The following MAP3K11 variants were observed in gnomAD, a reference collection of about 807,000 sequenced individuals.
The protein encoded by MAP3K11 is SH3 domain-containing proline-rich kinase.
A neutral mutation model predicts 84.9 loss-of-function variants in MAP3K11; 46 were observed. That is an observed-to-expected ratio of 0.54 (90% CI 0.43 to 0.69). The LOEUF is 0.69. MAP3K11 is among the 30% of genes least tolerant of loss of function. The probability of loss-of-function intolerance (pLI) is 0.00; values close to 1 mark genes in which losing one functional copy is unlikely to be tolerated. For synonymous variants in MAP3K11, 527 were observed against 514.7 expected (o/e 1.02, Z -0.32); for missense variants, 1,053 against 1,198.3 (o/e 0.88, Z 1.79).
chr11:65,608,142 A>C (rs1418217363), intron 2 of MAP3K11, 72 bp from the exon 3 acceptor site: 1 of 1,598,570 alleles, frequency 6.3e-7, no homozygotes, highest in African/African-American at 1.3e-5. Context: ...CACTTCACCC[A>C]AAAGCAACTA....
intron 1 of MAP3K11, chr11:65,610,549 T>C (rs1854560866): frequency 6.6e-6 from 1 of 152,204 alleles, no homozygotes; most frequent in Non-Finnish European, 1.5e-5. Flanking sequence ...ACCTGAGCAT[T>C]TAGCAAGCCC....
chr11:65,603,355 C>T lies in MAP3K11; in HGVS notation c.1831+2406G>A, dbSNP rs994782910. On this transcript the variant is annotated intron_variant, in intron 8 of 9. Transcript: ENST00000309100. ...TGACCCAAAGATAGATAGATAGAGG[C>T]GAAACTGCTTCCGTGAGGTCTCACA... Among the ~76,000 whole-genome samples, 5 of 152,348 alleles carry T rather than the reference C, an allele frequency of 3.3e-5. No individual in the cohort carries two copies. The East Asian group carries it at 5.8e-4, about 18-fold the overall frequency.
intron 8 of MAP3K11, among the ~76,000 whole-genome samples, chr11:65,603,411 T>C (rs1328230379): frequency 6.6e-6 from 1 of 152,262 alleles, no homozygotes; most frequent in Non-Finnish European, 1.5e-5. Flanking sequence ...TTATTGGCTC[T>C]AAGGCAACAA....
In MAP3K11 at chr11:65,613,435, G is replaced by C; in HGVS notation, c.322C>G (p.Pro108Ala). 1.2e-6 allele frequency: 2 copies of C among 1,612,360 alleles called. No individual in the cohort carries two copies. Among genetic ancestry groups the C allele is most frequent in the Non-Finnish European group, 1.7e-6 (2 of 1,179,522 alleles). Residue 108 changes from proline to alanine, a missense_variant, in exon 1 of 10, where the codon CCC becomes GCC. By Grantham distance (27) the Pro-to-Ala change is conservative. This residue lies in a region of MAP3K11 where 160 missense variants were observed against 167.3 expected (regional missense o/e 0.96). Coordinates refer to ENST00000309100, the MANE Select transcript of MAP3K11 (RefSeq NM_002419.4). ...NYVSRGGGPP[P>A]CEVASFQELR... The stretch of plus-strand genomic sequence containing the variant: ...TCCTGGAAGCTGGCCACCTCGCAGG[G>C]GGGCGGGCCGCCACCCCGAGACACA...
chr11:65,609,250 G>A (rs1482802817), intron 1 of MAP3K11: 1 of 152,206 alleles, frequency 6.6e-6, no homozygotes, highest in Non-Finnish European at 1.5e-5. Flanking sequence ...CTCTTGGTGA[G>A]AAAAGAAGCC....
Position 65,613,199 on chromosome 11 carries a change from C to T in MAP3K11, c.558G>A (p.Glu186=). 6.3e-7 allele frequency: 1 copy of T among 1,587,764 alleles called. No individual in the cohort carries two copies. The highest frequency in any genetic ancestry group is 8.6e-7 in the Non-Finnish European group (1 of 1,164,920). ...IIALKAVCLE[E]PNLCLVMEYA... is the part of the protein sequence containing the mutation. Reference sequence around the variant, plus strand: ...ACTCCATCACCAGGCACAGGTTGGGCTCCTCCAGGCACACAGCCTTGAGGG... The same window carrying T: ...ACTCCATCACCAGGCACAGGTTGGGTTCCTCCAGGCACACAGCCTTGAGGG... The change falls in exon 1 of 10, where the codon GAG becomes GAA. Residue 186 remains glutamate, a synonymous_variant. Coordinates refer to ENST00000309100, the MANE Select transcript of MAP3K11 (RefSeq NM_002419.4).
At chr11:65,612,715 G>C in intron 1 of MAP3K11, 1 of 303,680 alleles carries the variant, frequency 3.3e-6, no homozygotes, top group East Asian at 5.3e-5. Context: ...ACTTCCTTGA[G>C]GTGGGAGCCA....
intron 1 of MAP3K11, chr11:65,612,352 G>A (rs1306146464): frequency 6.6e-6 from 1 of 152,280 alleles, no homozygotes; most frequent in Non-Finnish European, 1.5e-5. Flanking sequence ...TTTCAGGCTA[G>A]GCCCTCTTGG....
intron 8 of MAP3K11, among the ~76,000 whole-genome samples, chr11:65,601,821 C>T (rs1166224395): frequency 7.0e-5 from 1 of 14,334 alleles, no homozygotes; most frequent in Non-Finnish European, 3.0e-4. Context: ...GCACCAACCA[C>T]GAGGTTATCA....
At chr11:65,610,802 A>C (rs1195738318) in intron 1 of MAP3K11, 1 of 152,284 alleles carries the variant, frequency 6.6e-6, no homozygotes, top group Non-Finnish European at 1.5e-5. Flanking sequence ...AGAGAGGGGC[A>C]ACAACTCACC....
At chr11:65,606,549 G>A (rs966658431) in intron 6 of MAP3K11, 142 bp downstream of exon 6, 9 of 588,934 alleles carry the variant, frequency 1.5e-5, no homozygotes, top group Non-Finnish European at 2.7e-5. Flanking sequence ...GAGTTCAGAG[G>A]TAACAGGCTA....
chr11:65,607,627 T>C lies in MAP3K11; in HGVS notation c.1245+14A>G, dbSNP rs1417541526. 1 of 1,596,618 alleles carries C rather than the reference T, an allele frequency of 6.3e-7. No homozygotes were observed. The highest frequency in any genetic ancestry group is 8.6e-7 in the Non-Finnish European group (1 of 1,168,782). On this transcript the variant is annotated intron_variant, in intron 4 of 9. Coordinates refer to ENST00000309100, the MANE Select transcript of MAP3K11 (RefSeq NM_002419.4). ...GACACTCGTTCCAACGCTGGGTCCC[T>C]TGATTCCTCGCACCTTTTCCTTGGC...
chr11:65,613,987 C>T lies in MAP3K11; in HGVS notation c.-231G>A, dbSNP rs1590860646. 1.9e-6 allele frequency: 1 copy of T among 537,618 alleles called. No individual in the cohort carries two copies. The highest frequency in any genetic ancestry group is 3.2e-6 in the Non-Finnish European group (1 of 309,618). The allele number at this position is 537,618 out of a possible 1,614,324, so 33.3% of individuals were successfully genotyped here. A position where few individuals can be genotyped will look rare whatever the true frequency, so the allele number is the denominator to read the frequency against. On this transcript the variant is annotated 5_prime_UTR_variant, in exon 1 of 10. Coordinates refer to ENST00000309100, the MANE Select transcript of MAP3K11 (RefSeq NM_002419.4). ...GTGTGGTCAGGCCGGGGGGGTGGGG[C>T]CCCGGGGCCTCCGGCGCCTCACCAT...
chr11:65,600,210 C>T (rs532546070), intron 8 of MAP3K11, among the ~76,000 whole-genome samples: 58 of 152,334 alleles, frequency 3.8e-4, no homozygotes, highest in African/African-American at 1.3e-3. Flanking sequence ...CACCCACCCC[C>T]GCTCCAGCTG....
intron 8 of MAP3K11, among the ~76,000 whole-genome samples, chr11:65,601,521 C>T (rs1854454946): frequency 6.6e-6 from 1 of 152,114 alleles, no homozygotes; most frequent in Non-Finnish European, 1.5e-5. Flanking sequence ...CTTTGGGAGG[C>T]CCAGGTGGGA....
intron 9 of MAP3K11, 33 bp downstream of exon 9, chr11:65,599,361 A>G: frequency 1.3e-6 from 2 of 1,527,746 alleles, no homozygotes; most frequent in South Asian, 1.3e-5. Context: ...CCCGTCTCCC[A>G]TATGTGAAGC....
At position 65,599,561 on chromosome 11, in the gene MAP3K11, G is replaced by C. The variant is rs199769348; in HGVS notation, c.2039C>G (p.Thr680Arg). Residue 680 changes from threonine to arginine, a missense_variant, in exon 9 of 10, where the codon ACG (threonine) becomes AGG (arginine). Thr to Arg is a moderately conservative substitution (Grantham distance 71). This residue lies in a region of MAP3K11 where 583 missense variants were observed against 566.6 expected (regional missense o/e 1.03). Coordinates refer to ENST00000309100, the MANE Select transcript of MAP3K11 (RefSeq NM_002419.4). ...ERGESPTTPP[T>R]PTPAPCPTEP... ...GGTCGGGCAGGGCGCGGGCGTTGGC[G>C]TGGGGGGTGTTGTCGGGGACTCCCC... The C allele has an allele frequency of 2.0e-6, 3 of 1,499,848 alleles. No individual in the cohort carries two copies. The highest frequency in any genetic ancestry group is 2.5e-5 in the Admixed American group (1 of 39,316). 92.9% of individuals were successfully genotyped at this position (1,499,848 alleles called of 1,614,324 possible). A position where few individuals can be genotyped will look rare whatever the true frequency, so the allele number is the denominator to read the frequency against.
At position 65,613,058 on chromosome 11, in the gene MAP3K11, G is replaced by A; in HGVS notation, c.699C>T (p.Ala233=). The A allele has an allele frequency of 6.6e-7, 1 of 1,521,716 alleles. No individual in the cohort carries two copies. The allele number at this position is 1,521,716 out of a possible 1,614,324, so 94.3% of individuals were successfully genotyped here. A position where few individuals can be genotyped will look rare whatever the true frequency, so the allele number is the denominator to read the frequency against. Residue 233 remains alanine, a synonymous_variant, in exon 1 of 10, where the codon GCC becomes GCT. Transcript: ENST00000309100. ...ARGMHYLHCE[A]LVPVIHRDLK... is the part of the protein sequence containing the mutation. ...GATCACGGTGGATGACGGGCACCAG[G>A]GCCTCGCAGTGCAGGTAGTGCATCC...
intron 8 of MAP3K11, 69 bp downstream of exon 8, chr11:65,605,692 T>G: frequency 8.5e-7 from 1 of 1,169,664 alleles, no homozygotes; most frequent in Non-Finnish European, 1.2e-6. Flanking sequence ...TACTAGCCTA[T>G]TGTGGCCTCC....
Sources: gnomAD v4.1 joint callset for allele counts (sites outside exome capture counted in the v4.1 genomes callset) on GRCh38, gnomAD v4.1.1 for gene constraint, gnomAD v4.1.1 regional missense constraint, MANE v1.5 for transcripts, NCBI Gene and HGNC (gene_info 2026-07-23, HGNC 2026-07-21) for gene names.